The following CNTNAP2 variants were observed in gnomAD, a reference collection of about 807,000 sequenced individuals.
CNTNAP2 encodes contactin associated protein 2, also known as contactin-associated protein-like 2.
In CNTNAP2, 98 loss-of-function variants were observed where a neutral mutation model predicts 155.2. The observed-to-expected ratio is 0.63, with a 90% confidence interval of 0.54 to 0.75. The LOEUF is 0.75. CNTNAP2 is among the 30% of genes least tolerant of loss of function. The pLI, the probability that CNTNAP2 is intolerant of heterozygous loss-of-function variation, is 0.00. For missense variants in CNTNAP2, 1,727 were observed against 1,688.1 expected (o/e 1.02, Z -0.40); for synonymous variants, 651 against 631.2 (o/e 1.03, Z -0.47).
chr7:147,001,421 G>A (rs1291755542), intron 3 of CNTNAP2, among the ~76,000 whole-genome samples: 1 of 151,946 alleles, frequency 6.6e-6, no homozygotes, highest in African/African-American at 2.4e-5. Context: ...TTACAGATGA[G>A]TAAAAGAATC....
chr7:146,651,278 CTT>C (rs1053628125), intron 1 of CNTNAP2, among the ~76,000 whole-genome samples: 9 of 151,978 alleles, frequency 5.9e-5, no homozygotes, highest in African/African-American at 1.9e-4. Context: ...ATAAACAACT[CTT>C]TTGACTCAAG....
chr7:146,163,569 A>ATATCTATC (rs149621233), intron 1 of CNTNAP2, among the ~76,000 whole-genome samples: 3 of 106,652 alleles, frequency 2.8e-5, no homozygotes, highest in African/African-American at 1.0e-4. Flanking sequence ...ATATCTATCT[A>ATATCTATC]TATCTATCTA....
At chr7:148,169,250 C>A (rs1805730389) in intron 17 of CNTNAP2, among the ~76,000 whole-genome samples, 1 of 152,118 alleles carries the variant, frequency 6.6e-6, no homozygotes, top group South Asian at 2.1e-4. Flanking sequence ...ACAGTGAATC[C>A]TTTTTGCCCC....
chr7:147,984,273 G>A (rs754487440), intron 15 of CNTNAP2, among the ~76,000 whole-genome samples: 7 of 152,142 alleles, frequency 4.6e-5, no homozygotes, highest in Non-Finnish European at 7.3e-5. Context: ...TGTATCTTGT[G>A]CCAACTTCCT....
intron 8 of CNTNAP2, among the ~76,000 whole-genome samples, chr7:147,234,483 G>A (rs755257719): frequency 6.6e-6 from 1 of 151,584 alleles, no homozygotes; most frequent in Non-Finnish European, 1.5e-5. Context: ...GACTACAGGC[G>A]CCTGACACCA....
intron 10 of CNTNAP2, among the ~76,000 whole-genome samples, chr7:147,401,105 C>A (rs1796905038): frequency 6.6e-6 from 1 of 152,122 alleles, no homozygotes; most frequent in African/African-American, 2.4e-5. Context: ...GAGGCCAAAG[C>A]AAATTCATAT....
intron 11 of CNTNAP2, among the ~76,000 whole-genome samples, chr7:147,526,857 C>T (rs1216141463): frequency 6.6e-6 from 1 of 151,944 alleles, no homozygotes; most frequent in African/African-American, 2.4e-5. Flanking sequence ...GATTTGGGGA[C>T]TTTGGCTTAA....
At chr7:148,110,691 G>A (rs779958092) in intron 15 of CNTNAP2, among the ~76,000 whole-genome samples, 6 of 152,144 alleles carry the variant, frequency 3.9e-5, no homozygotes, top group Admixed American at 2.6e-4. Flanking sequence ...GGCAAGGGCC[G>A]GGCTCAGAGC....
intron 8 of CNTNAP2, among the ~76,000 whole-genome samples, chr7:147,163,399 T>G (rs941447624): frequency 6.6e-6 from 1 of 152,226 alleles, no homozygotes. Context: ...TAGTATGCTA[T>G]TTTTAATTGT....
chr7:147,740,435 CAACA>C (rs1796938103), intron 13 of CNTNAP2, among the ~76,000 whole-genome samples: 1 of 152,142 alleles, frequency 6.6e-6, no homozygotes, highest in African/African-American at 2.4e-5. Context: ...TGACACTGCC[CAACA>C]AACCCACTGA....
intron 1 of CNTNAP2, among the ~76,000 whole-genome samples, chr7:146,333,858 G>C (rs1389044992): frequency 2.0e-5 from 3 of 152,160 alleles, no homozygotes; most frequent in African/African-American, 7.2e-5. Context: ...GTACTAGACT[G>C]AAGAAATATG....
At chr7:147,236,444 T>G (rs148273416) in intron 8 of CNTNAP2, among the ~76,000 whole-genome samples, 383 of 152,096 alleles carry the variant, frequency 2.5e-3, no homozygotes, top group African/African-American at 8.7e-3. Context: ...TAACAGTCTA[T>G]CCTCCTTTAA....
Position 147,300,186 on chromosome 7 carries a change from C to T in CNTNAP2, c.1394C>T (p.Ala465Val). Residue 465 changes from alanine to valine, a missense_variant, in exon 9 of 24, where the codon GCC (alanine) becomes GTC (valine). Coordinates refer to ENST00000361727, the MANE Select transcript of CNTNAP2 (RefSeq NM_014141.6). ...CAGTGGCACGAGGTTCGCTTCCTAG[C>T]CAAGGAAAATTTTGCTATTCTCACC... ...DGQWHEVRFL[A>V]KENFAILTID... 6.2e-7 allele frequency: 1 copy of T among 1,613,980 alleles called. No individual in the cohort carries two copies. The highest frequency in any genetic ancestry group is 8.5e-7 in the Non-Finnish European group (1 of 1,179,926).
intron 3 of CNTNAP2, among the ~76,000 whole-genome samples, chr7:146,855,749 G>A (rs538563871): frequency 2.7e-5 from 4 of 147,692 alleles, no homozygotes; most frequent in African/African-American, 5.0e-5. Flanking sequence ...AGAAACATAC[G>A]TGGAATGAGA....
chr7:148,041,817 G>A (rs555378584), intron 15 of CNTNAP2, among the ~76,000 whole-genome samples: 2 of 152,160 alleles, frequency 1.3e-5, no homozygotes, highest in African/African-American at 2.4e-5. Flanking sequence ...CATTATGGTA[G>A]GTGCAAAGGC....
intron 13 of CNTNAP2, among the ~76,000 whole-genome samples, chr7:147,893,989 T>G (rs971334418): frequency 2.0e-5 from 3 of 152,148 alleles, no homozygotes; most frequent in Non-Finnish European, 4.4e-5. Flanking sequence ...ACAAGAAAAT[T>G]CTGGCCGGCT....
At chr7:147,073,325 A>AC (rs1311616764) in intron 4 of CNTNAP2, among the ~76,000 whole-genome samples, 1 of 151,924 alleles carries the variant, frequency 6.6e-6, no homozygotes, top group African/African-American at 2.4e-5. Flanking sequence ...AAAAAAAAAA[A>AC]AAACCACAAA....
Position 147,044,071 on chromosome 7 carries a change from T to C in CNTNAP2, c.550+17T>C, listed in dbSNP as rs1445987167. The C allele has an allele frequency of 6.2e-7, 1 of 1,613,994 alleles. No homozygotes were observed. The highest frequency in any genetic ancestry group is 1.1e-5 in the South Asian group (1 of 91,070). On this transcript the variant is annotated intron_variant, in intron 4 of 23. Coordinates refer to ENST00000361727, the MANE Select transcript of CNTNAP2 (RefSeq NM_014141.6). ...GTTCTTACTGTGAGTATCGTATTGT[T>C]TAAATTTGTGGCAGGTTTTATCTTT... is the stretch of plus-strand genomic sequence containing the variant.
intron 20 of CNTNAP2, among the ~76,000 whole-genome samples, chr7:148,242,481 A>AGTGAGC (rs1217758652): frequency 6.6e-6 from 1 of 152,206 alleles, no homozygotes; most frequent in Non-Finnish European, 1.5e-5. Flanking sequence ...AGCTGTAACC[A>AGTGAGC]GTGAGCGTAG....
Sources: gnomAD v4.1 joint callset for allele counts (sites outside exome capture counted in the v4.1 genomes callset) on GRCh38, gnomAD v4.1.1 for gene constraint, MANE v1.5 for transcripts, NCBI Gene and HGNC (gene_info 2026-07-23, HGNC 2026-07-21) for gene names.